The following CLSTN2 variants were observed in gnomAD, a reference collection of about 807,000 sequenced individuals.
The protein encoded by CLSTN2 is calsyntenin 2, also known as calsyntenin-2.
A neutral mutation model predicts 101.2 loss-of-function variants in CLSTN2; 48 were observed. The ratio of observed to expected loss-of-function variants is 0.47; its 90% CI spans 0.38 to 0.60. The LOEUF (loss-of-function observed/expected upper bound fraction) is 0.60. Ranked by LOEUF, CLSTN2 falls within the 20% of genes least tolerant of loss-of-function variation. The probability of loss-of-function intolerance (pLI) is 0.00; values close to 1 mark genes in which losing one functional copy is unlikely to be tolerated. For synonymous variants in CLSTN2, 481 were observed against 463.6 expected (o/e 1.04, Z -0.48); for missense variants, 1,160 against 1,238.2 (o/e 0.94, Z 0.95).
intron 5 of CLSTN2, among the ~76,000 whole-genome samples, chr3:140,424,280 C>A (rs1241053120): frequency 6.6e-6 from 1 of 152,176 alleles, no homozygotes; most frequent in African/African-American, 2.4e-5. Flanking sequence ...AGTCACTGCC[C>A]CAGTAGACTT....
chr3:140,562,413 C>T, intron 13 of CLSTN2, 105 bp downstream of exon 13: 1 of 1,128,224 alleles, frequency 8.9e-7, no homozygotes, highest in Non-Finnish European at 1.2e-6. Flanking sequence ...ACTGTGAAGC[C>T]CCAGGGACCA....
intron 1 of CLSTN2, among the ~76,000 whole-genome samples, chr3:139,964,178 C>G (rs1477362155): frequency 6.6e-6 from 1 of 152,138 alleles, no homozygotes; most frequent in Non-Finnish European, 1.5e-5. Context: ...AGCACTGCAC[C>G]ACATTTCAGA....
In CLSTN2 at chr3:140,569,577, T is replaced by TA. The variant is rs1234720707; in HGVS notation, c.*3325dup. 3.3e-5 allele frequency: 5 copies of TA among 152,248 alleles called. No individual in the cohort carries two copies. The highest frequency in any genetic ancestry group is 4.1e-4 in the South Asian group (2 of 4,832). The allele number at this position is 152,248 out of a possible 1,614,324, so 9.4% of individuals were successfully genotyped here. ...AAAAAATACTAAACATATATCATCA[T>TA]ACATTTGATCAAATGCTGTAAGCAC... On this transcript the variant is annotated 3_prime_UTR_variant, in exon 17 of 17. Coordinates refer to ENST00000458420, the MANE Select transcript of CLSTN2 (RefSeq NM_022131.3).
intron 13 of CLSTN2, 122 bp downstream of exon 13, chr3:140,562,430 G>GAA: frequency 1.0e-6 from 1 of 977,808 alleles, no homozygotes; most frequent in South Asian, 1.7e-5. Flanking sequence ...ACCAGTTGGA[G>GAA]ATCCTTGGCC....
intron 1 of CLSTN2, among the ~76,000 whole-genome samples, chr3:140,092,503 G>A (rs2008795802): frequency 6.6e-6 from 1 of 152,202 alleles, no homozygotes; most frequent in South Asian, 2.1e-4. Flanking sequence ...TGTTAGAGAG[G>A]CTTAGGGTCT....
At chr3:140,085,265 A>G (rs1330380209) in intron 1 of CLSTN2, among the ~76,000 whole-genome samples, 1 of 152,236 alleles carries the variant, frequency 6.6e-6, no homozygotes, top group Non-Finnish European at 1.5e-5. Context: ...ATGGTGGGCT[A>G]GAGAACGTGT....
At chr3:140,478,607 G>A (rs1389086481) in intron 8 of CLSTN2, among the ~76,000 whole-genome samples, 1 of 152,178 alleles carries the variant, frequency 6.6e-6, no homozygotes, top group African/African-American at 2.4e-5. Flanking sequence ...CTGCAAATGA[G>A]CACAGACTTT....
At chr3:140,018,027 G>A (rs999518351) in intron 1 of CLSTN2, among the ~76,000 whole-genome samples, 1 of 152,172 alleles carries the variant, frequency 6.6e-6, no homozygotes, top group Non-Finnish European at 1.5e-5. Flanking sequence ...AAAGAAGGAA[G>A]GAAGGAAGGA....
intron 1 of CLSTN2, among the ~76,000 whole-genome samples, chr3:139,940,107 G>T (rs1935099586): frequency 6.6e-6 from 1 of 152,182 alleles, no homozygotes; most frequent in African/African-American, 2.4e-5. Context: ...AGGGCTCAAA[G>T]ACCAGTGCTA....
intron 1 of CLSTN2, among the ~76,000 whole-genome samples, chr3:139,956,990 A>G (rs1006769568): frequency 6.6e-6 from 1 of 152,190 alleles, no homozygotes; most frequent in East Asian, 1.9e-4. Context: ...AGCGTTGCCA[A>G]TTTGAAAGAC....
intron 8 of CLSTN2, among the ~76,000 whole-genome samples, chr3:140,496,777 A>C (rs997496225): frequency 6.6e-6 from 1 of 152,144 alleles, no homozygotes; most frequent in African/African-American, 2.4e-5. Context: ...GGTCTCACCC[A>C]GTCAGGAAGG....
chr3:140,550,894 G>T (rs1935688557), intron 10 of CLSTN2, among the ~76,000 whole-genome samples: 1 of 151,318 alleles, frequency 6.6e-6, no homozygotes, highest in Non-Finnish European at 1.5e-5. Flanking sequence ...CACTGCAAAT[G>T]ATCCTCTTCC....
At chr3:140,564,975 C>T (rs943601748) in intron 16 of CLSTN2, among the ~76,000 whole-genome samples, 2 of 152,190 alleles carry the variant, frequency 1.3e-5, no homozygotes, top group Admixed American at 1.3e-4. Flanking sequence ...CGGCTAGCCT[C>T]ACACTCCAAT....
intron 1 of CLSTN2, among the ~76,000 whole-genome samples, chr3:139,962,938 C>T (rs1302767799): frequency 6.6e-6 from 1 of 152,052 alleles, no homozygotes; most frequent in Admixed American, 6.5e-5. Context: ...TTGTATGGTA[C>T]CTGTATGTTT....
At chr3:140,136,878 T>A (rs1350135057) in intron 1 of CLSTN2, among the ~76,000 whole-genome samples, 1 of 152,150 alleles carries the variant, frequency 6.6e-6, no homozygotes, top group Non-Finnish European at 1.5e-5. Context: ...GGTATGACTG[T>A]GGAGAATGGG....
At chr3:140,313,857 C>T (rs1312960174) in intron 2 of CLSTN2, among the ~76,000 whole-genome samples, 1 of 152,182 alleles carries the variant, frequency 6.6e-6, no homozygotes, top group African/African-American at 2.4e-5. Context: ...GTGACATCTG[C>T]CAGTTTGGGA....
At chr3:139,955,323 G>T (rs894316008) in intron 1 of CLSTN2, among the ~76,000 whole-genome samples, 47 of 151,534 alleles carry the variant, frequency 3.1e-4, no homozygotes, top group Admixed American at 6.6e-4. Flanking sequence ...TCTAAAATGG[G>T]TATATTAAAC....
intron 2 of CLSTN2, among the ~76,000 whole-genome samples, chr3:140,227,393 T>C (rs1415975670): frequency 1.3e-5 from 2 of 152,164 alleles, no homozygotes; most frequent in Non-Finnish European, 2.9e-5. Flanking sequence ...ATGCAAGAAG[T>C]TGGTTTCTAT....
At chr3:140,010,398 G>T (rs1347355667) in intron 1 of CLSTN2, among the ~76,000 whole-genome samples, 1 of 152,156 alleles carries the variant, frequency 6.6e-6, no homozygotes, top group Non-Finnish European at 1.5e-5. Context: ...TGTGTTCCAT[G>T]TTCCCAGAAA....
Sources: allele counts gnomAD v4.1 joint callset (sites outside exome capture counted in the v4.1 genomes callset), GRCh38; gene constraint gnomAD v4.1.1; transcripts MANE v1.5; gene names NCBI Gene and HGNC (gene_info 2026-07-23, HGNC 2026-07-21).